DYM: variants seen among roughly 807,000 people sequenced by gnomAD.
DYM encodes dyggve-Melchior-Clausen syndrome protein.
Under a neutral mutation model 93.1 loss-of-function variants are expected in DYM, and 78 were observed. The ratio of observed to expected loss-of-function variants is 0.84; its 90% CI spans 0.70 to 1.01. The LOEUF (loss-of-function observed/expected upper bound fraction) is 1.01. Ranked by LOEUF, DYM falls within the 50% of genes least tolerant of loss-of-function variation. The pLI is 0.00. For missense variants in DYM, 789 were observed against 845.0 expected (o/e 0.93, Z 0.82); for synonymous variants, 321 against 319.7 (o/e 1.00, Z -0.04).
At chr18:49,306,559 A>G (rs777694992) in intron 8 of DYM, among the ~76,000 whole-genome samples, 1 of 152,138 alleles carries the variant, frequency 6.6e-6, no homozygotes, top group East Asian at 1.9e-4. Flanking sequence ...AAGTTAATTA[A>G]GTAATTGAAC....
chr18:49,219,936 T>C (rs1161780738), intron 13 of DYM, among the ~76,000 whole-genome samples: 1 of 146,786 alleles, frequency 6.8e-6, no homozygotes, highest in East Asian at 2.1e-4. Flanking sequence ...ATAAAGGGTA[T>C]TCAATTAGAA....
chr18:49,353,540 T>C (rs1176149547), intron 6 of DYM, among the ~76,000 whole-genome samples: 2 of 151,972 alleles, frequency 1.3e-5, no homozygotes, highest in African/African-American at 4.8e-5. Context: ...TAAAGACATA[T>C]ATTACACAGA....
At chr18:49,266,089 G>A (rs2094566023) in intron 11 of DYM, among the ~76,000 whole-genome samples, 1 of 152,062 alleles carries the variant, frequency 6.6e-6, no homozygotes, top group Non-Finnish European at 1.5e-5. Flanking sequence ...AAAACAGAGT[G>A]AGACTCTGTC....
intron 14 of DYM, among the ~76,000 whole-genome samples, chr18:49,198,212 C>T (rs2091659047): frequency 6.6e-6 from 1 of 152,140 alleles, no homozygotes; most frequent in African/African-American, 2.4e-5. Context: ...CTTCCTTACA[C>T]CTTATACAAA....
Position 49,323,625 on chromosome 18 carries a change from C to A in DYM, c.763+8239G>T, listed in dbSNP as rs1341861008. Among the ~76,000 whole-genome samples the A allele has an allele frequency of 2.0e-5, 3 of 152,188 alleles. No homozygotes were observed. In the East Asian group the frequency reaches 5.8e-4, roughly 29 times the overall value. On this transcript the variant is annotated intron_variant, in intron 8 of 17. Coordinates refer to ENST00000675505, the MANE Select transcript of DYM (RefSeq NM_001353214.3). ...GAGGACACAGCAAGAAGGTGGACAT[C>A]TGCAAGTCAGGAATAGGGTTCTACA... is the stretch of plus-strand genomic sequence containing the variant.
chr18:49,140,200 A>T (rs922642401), intron 15 of DYM, among the ~76,000 whole-genome samples: 1 of 152,214 alleles, frequency 6.6e-6, no homozygotes, highest in Non-Finnish European at 1.5e-5. Flanking sequence ...GAAGACACAC[A>T]CACACATACA....
At position 49,452,762 on chromosome 18, in the gene DYM, C is replaced by T. The variant is rs968587959; in HGVS notation, c.-54+7636G>A. ...GTGCAGGCGCACAGCGCGGGACTGG[C>T]AGGCAGCTCTGCCTGCGGCCCTGGT... On this transcript the variant is annotated intron_variant, in intron 1 of 17. Coordinates refer to ENST00000675505, the MANE Select transcript of DYM (RefSeq NM_001353214.3). 2.9e-5 allele frequency among the ~76,000 whole-genome samples: 4 copies of T among 136,466 alleles called. 2 individuals are homozygous for T. Among genetic ancestry groups the T allele is most frequent in the East Asian group, 4.3e-4 (2 of 4,652 alleles). 89.5% of individuals were successfully genotyped at this position (136,466 alleles called of 152,430 possible).
chr18:49,321,225 A>C (rs2062461238), intron 8 of DYM: 1 of 395,558 alleles, frequency 2.5e-6, no homozygotes, highest in Non-Finnish European at 4.5e-6. Flanking sequence ...CATTAGCACC[A>C]AATAAATGGC....
chr18:49,233,186 C>T (rs563550835), intron 13 of DYM, among the ~76,000 whole-genome samples: 109 of 151,676 alleles, frequency 7.2e-4, no homozygotes, highest in African/African-American at 2.6e-3. Flanking sequence ...CATGGTGAAA[C>T]CCCATCTCTA....
intron 13 of DYM, among the ~76,000 whole-genome samples, chr18:49,246,863 C>T (rs1218528559): frequency 6.6e-6 from 1 of 152,204 alleles, no homozygotes; most frequent in Non-Finnish European, 1.5e-5. Context: ...GCAGTATCAA[C>T]TGGCTACCTT....
chr18:49,243,565 T>C (rs957689243), intron 13 of DYM, among the ~76,000 whole-genome samples: 38 of 150,194 alleles, frequency 2.5e-4, no homozygotes, highest in African/African-American at 9.1e-4. Context: ...CTTGTGAAGC[T>C]GAGGCATGAG....
rs950539514 is a variant in DYM at position 49,114,609 on chromosome 18, G to C, written c.1911+4135C>G. The stretch of plus-strand genomic sequence containing the variant: ...TAGTTTAAATTCTTTGCATGGTTCT[G>C]TGTGTCCTGATTAAAAAAAATTAAT... On this transcript the variant is annotated intron_variant, in intron 16 of 17. Transcript: ENST00000675505. The C allele has an allele frequency of 5.1e-6, 5 of 983,668 alleles. No individual in the cohort carries two copies. In the East Asian group the frequency reaches 4.5e-4, roughly 89 times the overall value. The allele number at this position is 983,668 out of a possible 1,614,324, so 60.9% of individuals were successfully genotyped here.
intron 16 of DYM, among the ~76,000 whole-genome samples, chr18:49,101,145 A>C (rs970421959): frequency 1.3e-5 from 2 of 152,224 alleles, no homozygotes; most frequent in African/African-American, 4.8e-5. Flanking sequence ...AACCATTAAA[A>C]CTATTAAAAT....
At chr18:49,385,054 AG>A (rs2068455657) in intron 3 of DYM, among the ~76,000 whole-genome samples, 1 of 152,062 alleles carries the variant, frequency 6.6e-6, no homozygotes, top group Non-Finnish European at 1.5e-5. Context: ...TAAAGGAAAA[AG>A]TCTCATGAAC....
intron 16 of DYM, among the ~76,000 whole-genome samples, chr18:49,103,054 T>A (rs1342353472): frequency 6.6e-6 from 1 of 152,198 alleles, no homozygotes; most frequent in Non-Finnish European, 1.5e-5. Flanking sequence ...TGTTCCTATT[T>A]CTCCACACCC....
chr18:49,396,213 A>T (rs569121280), intron 2 of DYM, among the ~76,000 whole-genome samples: 10 of 152,332 alleles, frequency 6.6e-5, no homozygotes, highest in African/African-American at 2.4e-4. Context: ...GTATTTCTTT[A>T]TAGCAACACA....
At chr18:49,455,589 T>C (rs547280900) in intron 1 of DYM, among the ~76,000 whole-genome samples, 5 of 152,312 alleles carry the variant, frequency 3.3e-5, no homozygotes, top group Admixed American at 2.0e-4. Flanking sequence ...AAATAAATGA[T>C]AGAACTAGGA....
intron 17 of DYM, among the ~76,000 whole-genome samples, chr18:49,080,727 G>A (rs1424322282): frequency 7.4e-6 from 1 of 134,860 alleles, no homozygotes; most frequent in Non-Finnish European, 1.6e-5. Flanking sequence ...CGGGCAGAGG[G>A]GCTCCTCACT....
At chr18:49,339,934 G>A (rs1040175091) in intron 6 of DYM, among the ~76,000 whole-genome samples, 2 of 151,610 alleles carry the variant, frequency 1.3e-5, no homozygotes, top group African/African-American at 4.9e-5. Context: ...GGTTTTTTTG[G>A]GGTTTTTTGT....
Sources: gnomAD v4.1 joint callset for allele counts (sites outside exome capture counted in the v4.1 genomes callset) on GRCh38, gnomAD v4.1.1 for gene constraint, MANE v1.5 for transcripts, NCBI Gene and HGNC (gene_info 2026-07-23, HGNC 2026-07-21) for gene names.